Variants in ITSN2 observed in about 807,000 individuals in gnomAD.
The protein encoded by ITSN2 is intersectin-2.
In ITSN2, 156 loss-of-function variants were observed where a neutral mutation model predicts 243.7. That is an observed-to-expected ratio of 0.64 (90% CI 0.56 to 0.73). The LOEUF is 0.73. ITSN2 is among the 30% of genes least tolerant of loss of function. The pLI is 0.00. For missense variants in ITSN2, 1,801 were observed against 1,996.1 expected (o/e 0.90, Z 1.86); for synonymous variants, 703 against 699.9 (o/e 1.00, Z -0.07).
In ITSN2 at chr2:24,270,341, T is replaced by C. The variant is rs141891494; in HGVS notation, c.2355+330A>G. 5.5e-3 allele frequency among the ~76,000 whole-genome samples: 842 copies of C among 152,302 alleles called. 5 individuals carry two copies. The highest frequency in any genetic ancestry group is 0.019 in the African/African-American group (809 of 41,560). ...TCCAGTTAGGGCTGTGGAATCTAACTCCTTCAATTCTTTTAACAGTTGCTG... is the reference window on the plus strand; with the variant it reads ...TCCAGTTAGGGCTGTGGAATCTAACCCCTTCAATTCTTTTAACAGTTGCTG... On this transcript the variant is annotated intron_variant, in intron 20 of 39. Transcript: ENST00000355123.
At chr2:24,330,764 C>T in intron 1 of ITSN2, 2 of 489,670 alleles carry the variant, frequency 4.1e-6, no homozygotes, top group East Asian at 4.4e-5. Context: ...TGCAGAATTT[C>T]ATTTTACTTT....
At chr2:24,242,806 A>G (rs76854107) in intron 29 of ITSN2, among the ~76,000 whole-genome samples, 263 of 152,312 alleles carry the variant, frequency 1.7e-3, no homozygotes, top group African/African-American at 5.9e-3. Context: ...ATAGATGACA[A>G]GCCTTTAGCC....
chr2:24,273,935 G>C (rs1242895747), intron 18 of ITSN2, among the ~76,000 whole-genome samples: 2 of 152,210 alleles, frequency 1.3e-5, no homozygotes, highest in African/African-American at 2.4e-5. Flanking sequence ...CTAAGACCCA[G>C]CTTCAGACTG....
chr2:24,287,462 T>C lies in ITSN2; in HGVS notation c.1724-1111A>G, dbSNP rs1366824654. ...TTTATATGAAACTGAGGTCATGCAG[T>C]ATTTGTCTTTCTGTAACTGACTTAC... On this transcript the variant is annotated intron_variant, in intron 15 of 39. Coordinates refer to ENST00000355123, the MANE Select transcript of ITSN2 (RefSeq NM_006277.3). 2.0e-5 allele frequency among the ~76,000 whole-genome samples: 3 copies of C among 152,144 alleles called. No homozygotes were observed. The East Asian group carries it at 5.8e-4, about 29-fold the overall frequency.
chr2:24,255,163 C>A (rs746815050), intron 23 of ITSN2, among the ~76,000 whole-genome samples: 3 of 152,094 alleles, frequency 2.0e-5, no homozygotes, highest in Non-Finnish European at 4.4e-5. Context: ...GAAGAAATGC[C>A]CTCTAAAACA....
intron 1 of ITSN2, among the ~76,000 whole-genome samples, chr2:24,341,159 C>T (rs1299841876): frequency 6.6e-6 from 1 of 152,058 alleles, no homozygotes; most frequent in Non-Finnish European, 1.5e-5. Flanking sequence ...AAGATAGAAG[C>T]TCTAAGAAAG....
chr2:24,222,112 C>T (rs1228909605), intron 29 of ITSN2, among the ~76,000 whole-genome samples: 2 of 151,892 alleles, frequency 1.3e-5, no homozygotes, highest in South Asian at 2.1e-4. Context: ...ATTAGCCAGG[C>T]GTGGTGGTGG....
intron 1 of ITSN2, among the ~76,000 whole-genome samples, chr2:24,352,749 T>C (rs377113652): frequency 7.2e-5 from 11 of 152,308 alleles, no homozygotes; most frequent in Admixed American, 7.2e-4. Context: ...ATTGAAGATT[T>C]AAATCAAACC....
chr2:24,291,652 G>A (rs892060215), intron 15 of ITSN2, among the ~76,000 whole-genome samples: 2 of 152,028 alleles, frequency 1.3e-5, no homozygotes, highest in African/African-American at 4.8e-5. Context: ...ACCATGCCCA[G>A]CTAATTTTTG....
At chr2:24,332,113 A>G (rs1197184265) in intron 1 of ITSN2, among the ~76,000 whole-genome samples, 1 of 152,184 alleles carries the variant, frequency 6.6e-6, no homozygotes, top group Non-Finnish European at 1.5e-5. Context: ...CGTGGGGCAC[A>G]TGCCTGTAAT....
intron 29 of ITSN2, chr2:24,238,986 T>C: frequency 6.6e-6 from 1 of 152,310 alleles, no homozygotes; most frequent in East Asian, 1.9e-4. Context: ...TACAATTTTG[T>C]AAAAATAAAA....
intron 24 of ITSN2, among the ~76,000 whole-genome samples, chr2:24,253,608 G>C (rs1674637259): frequency 1.3e-5 from 2 of 152,140 alleles, no homozygotes; most frequent in African/African-American, 4.8e-5. Context: ...AATTGGTTTT[G>C]TTCGCTCATT....
At chr2:24,299,696 T>C (rs1681477642) in intron 12 of ITSN2, among the ~76,000 whole-genome samples, 1 of 152,238 alleles carries the variant, frequency 6.6e-6, no homozygotes, top group Non-Finnish European at 1.5e-5. Flanking sequence ...ATGCTTTCTC[T>C]ACCACGTACC....
intron 9 of ITSN2, among the ~76,000 whole-genome samples, chr2:24,302,983 A>G (rs1379908051): frequency 6.6e-6 from 1 of 152,214 alleles, no homozygotes; most frequent in African/African-American, 2.4e-5. Context: ...CGCATTACCT[A>G]TGTGTCTGTG....
At chr2:24,359,805 T>G (rs561708934) in intron 1 of ITSN2, among the ~76,000 whole-genome samples, 4 of 152,268 alleles carry the variant, frequency 2.6e-5, no homozygotes, top group Admixed American at 2.6e-4. Flanking sequence ...CTCTCGTGAC[T>G]CGGGCTACTT....
chr2:24,314,562 TA>T (rs1683681339), intron 3 of ITSN2, among the ~76,000 whole-genome samples: 1 of 152,246 alleles, frequency 6.6e-6, no homozygotes, highest in Non-Finnish European at 1.5e-5. Context: ...GCATCTGGTA[TA>T]TAGTAAAAAT....
At chr2:24,268,886 T>G (rs1676998164) in intron 20 of ITSN2, among the ~76,000 whole-genome samples, 1 of 152,140 alleles carries the variant, frequency 6.6e-6, no homozygotes. Flanking sequence ...CTCTTCCAAT[T>G]TATTCCAACT....
At chr2:24,316,444 G>A (rs1013859537) in intron 2 of ITSN2, among the ~76,000 whole-genome samples, 29 of 151,902 alleles carry the variant, frequency 1.9e-4, no homozygotes, top group Admixed American at 1.6e-3. Flanking sequence ...CCACACACCC[G>A]GCTAATTTTT....
rs547555003 is a variant in ITSN2, at chr2:24,316,443, C to T, written c.32-1219G>A. 1.1e-3 allele frequency among the ~76,000 whole-genome samples: 167 copies of T among 152,160 alleles called. 1 individual carries two copies. The highest frequency in any genetic ancestry group is 9.9e-4 in the Non-Finnish European group (67 of 67,990). On this transcript the variant is annotated intron_variant, in intron 2 of 39. Coordinates refer to ENST00000355123, the MANE Select transcript of ITSN2 (RefSeq NM_006277.3). Reference sequence around the variant, plus strand: ...CTACAGGCATGCGCCACCACACACCCGGCTAATTTTTGTATTATTAGTAGA... The same window carrying T: ...CTACAGGCATGCGCCACCACACACCTGGCTAATTTTTGTATTATTAGTAGA...
Sources: gnomAD v4.1 joint callset for allele counts (sites outside exome capture counted in the v4.1 genomes callset) on GRCh38, gnomAD v4.1.1 for gene constraint, MANE v1.5 for transcripts, NCBI Gene and HGNC (gene_info 2026-07-23, HGNC 2026-07-21) for gene names.